Variants in APP observed in about 807,000 individuals in gnomAD.
The protein encoded by APP is amyloid beta precursor protein.
In APP, 31 loss-of-function variants were observed where a neutral mutation model predicts 101.4. The ratio of observed to expected loss-of-function variants is 0.31; its 90% CI spans 0.23 to 0.41. The LOEUF (loss-of-function observed/expected upper bound fraction) is 0.41. Among genes scored for constraint, APP ranks in the 10% least tolerant of loss-of-function variants. The probability of loss-of-function intolerance (pLI) is 1.00; values close to 1 mark genes in which losing one functional copy is unlikely to be tolerated. For synonymous variants in APP, 366 were observed against 364.4 expected (o/e 1.00, Z -0.05); for missense variants, 839 against 1,003.7 (o/e 0.84, Z 2.22).
At chr21:25,950,044 G>C (rs2040996510) in intron 13 of APP, among the ~76,000 whole-genome samples, 1 of 152,212 alleles carries the variant, frequency 6.6e-6, no homozygotes, top group African/African-American at 2.4e-5. Context: ...CCCACTTCCA[G>C]TGGGTGTGCA....
rs1409276828 is a variant in APP at position 26,170,554 on chromosome 21, C to T, written c.57+10G>A. 3 of 1,537,364 alleles carry T rather than the reference C, an allele frequency of 2.0e-6. No homozygotes were observed. The highest frequency in any genetic ancestry group is 2.6e-6 in the Non-Finnish European group (3 of 1,146,088). ...CAGCCTCCCCCCGCCTTCCGAGGCG[C>T]GGCACCCACCTCCAGCGCCCGAGCC... On this transcript the variant is annotated intron_variant, in intron 1 of 17. Transcript: ENST00000346798.
intron 13 of APP, among the ~76,000 whole-genome samples, chr21:25,938,831 C>T (rs770472750): frequency 3.3e-5 from 5 of 152,112 alleles, no homozygotes; most frequent in Admixed American, 1.3e-4. Flanking sequence ...ATGGAAAGCT[C>T]GAGCTAGGAC....
chr21:26,071,145 T>C (rs1029656698), intron 3 of APP, among the ~76,000 whole-genome samples: 1 of 152,216 alleles, frequency 6.6e-6, no homozygotes, highest in Non-Finnish European at 1.5e-5. Flanking sequence ...AAAATTCTCT[T>C]AAGCAATAAA....
intron 1 of APP, among the ~76,000 whole-genome samples, chr21:26,156,492 C>T (rs2063378649): frequency 6.6e-6 from 1 of 152,122 alleles, no homozygotes; most frequent in African/African-American, 2.4e-5. Flanking sequence ...CTTTTCAGTT[C>T]AATGATTTTA....
intron 13 of APP, among the ~76,000 whole-genome samples, chr21:25,946,962 A>T (rs1221720323): frequency 2.0e-5 from 3 of 152,186 alleles, no homozygotes; most frequent in Non-Finnish European, 4.4e-5. Context: ...ATATTTTTTT[A>T]AAAAAGGAAA....
At chr21:26,159,170 C>G (rs2063435710) in intron 1 of APP, among the ~76,000 whole-genome samples, 1 of 152,016 alleles carries the variant, frequency 6.6e-6, no homozygotes, top group Non-Finnish European at 1.5e-5. Context: ...AGCTCTGCCT[C>G]CCAGGTTCAC....
chr21:26,140,327 G>A, intron 1 of APP: 1 of 1,525,482 alleles, frequency 6.6e-7, no homozygotes, highest in South Asian at 1.2e-5. Context: ...TCCTCGGGAG[G>A]GTGAGTCAAC....
At chr21:26,154,739 G>C (rs1243840154) in intron 1 of APP, among the ~76,000 whole-genome samples, 4 of 152,202 alleles carry the variant, frequency 2.6e-5, no homozygotes, top group African/African-American at 9.7e-5. Flanking sequence ...GGGTGATTTT[G>C]AACAACTCAA....
intron 3 of APP, among the ~76,000 whole-genome samples, chr21:26,062,166 C>T (rs1340599035): frequency 6.6e-6 from 1 of 151,748 alleles, no homozygotes; most frequent in Non-Finnish European, 1.5e-5. Flanking sequence ...GCCAAGATCA[C>T]ACCACTGCAC....
intron 11 of APP, among the ~76,000 whole-genome samples, chr21:25,964,838 G>A (rs908858822): frequency 6.6e-6 from 1 of 152,144 alleles, no homozygotes; most frequent in Non-Finnish European, 1.5e-5. Flanking sequence ...GACCTCAGGT[G>A]ATCCACCCGC....
At chr21:26,045,242 T>C (rs1439665205) in intron 5 of APP, among the ~76,000 whole-genome samples, 1 of 152,180 alleles carries the variant, frequency 6.6e-6, no homozygotes, top group Non-Finnish European at 1.5e-5. Context: ...TTTAAATATC[T>C]TAAATTTTTA....
chr21:26,021,101 G>A (rs896796303), intron 6 of APP, among the ~76,000 whole-genome samples: 1 of 143,102 alleles, frequency 7.0e-6, no homozygotes, highest in African/African-American at 2.6e-5. Flanking sequence ...AGGCTGGAGT[G>A]CAATGGTGTG....
At chr21:26,052,199 C>T (rs2045864573) in intron 4 of APP, among the ~76,000 whole-genome samples, 1 of 152,182 alleles carries the variant, frequency 6.6e-6, no homozygotes, top group African/African-American at 2.4e-5. Flanking sequence ...TCAGATTTCT[C>T]AACCCCAGCA....
chr21:26,165,716 C>A (rs1389105867), intron 1 of APP, among the ~76,000 whole-genome samples: 1 of 152,174 alleles, frequency 6.6e-6, no homozygotes, highest in African/African-American at 2.4e-5. Context: ...AAGGTTCAAG[C>A]TAAATCTCTA....
rs750040087 is a variant in APP, at chr21:25,954,631, T to C, written c.1646A>G (p.Tyr549Cys). 5.0e-6 allele frequency: 8 copies of C among 1,614,070 alleles called. No homozygotes were observed. Among genetic ancestry groups the C allele is most frequent in the Admixed American group, 3.3e-5 (2 of 59,998 alleles). The change falls in exon 13 of 18, where the codon TAC becomes TGC. Residue 549 changes from tyrosine to cysteine, a missense_variant. By Grantham distance (194) the Tyr-to-Cys change is radical. Transcript: ENST00000346798. ...CTCCTCGGCCACTGCAGGCACGTTGTAGAGCAGGGAGAGAGACTGATTCAT... is the reference window on the plus strand; with the variant it reads ...CTCCTCGGCCACTGCAGGCACGTTGCAGAGCAGGGAGAGAGACTGATTCAT... The part of the protein sequence containing the change: ...ERMNQSLSLL[Y>C]NVPAVAEEIQ...
intron 3 of APP, among the ~76,000 whole-genome samples, chr21:26,061,536 T>C (rs2145996398): frequency 6.6e-6 from 1 of 152,308 alleles, no homozygotes; most frequent in African/African-American, 2.4e-5. Flanking sequence ...GACGGGACGA[T>C]TACTTCACAG....
intron 2 of APP, among the ~76,000 whole-genome samples, chr21:26,094,165 T>C (rs956175484): frequency 2.6e-5 from 4 of 152,130 alleles, no homozygotes; most frequent in Non-Finnish European, 5.9e-5. Flanking sequence ...GCATAGTTTT[T>C]TCCTACTGTC....
At chr21:25,892,094 A>G (rs909786462) in intron 16 of APP, among the ~76,000 whole-genome samples, 2 of 151,762 alleles carry the variant, frequency 1.3e-5, no homozygotes, top group South Asian at 4.2e-4. Flanking sequence ...ACTAAGAATG[A>G]TAATCATAGT....
intron 2 of APP, among the ~76,000 whole-genome samples, chr21:26,096,259 T>C (rs2061940284): frequency 6.6e-6 from 1 of 152,212 alleles, no homozygotes; most frequent in African/African-American, 2.4e-5. Flanking sequence ...TAAGTTTGTA[T>C]CTGTACTGCC....
Sources: gnomAD v4.1 joint callset for allele counts (sites outside exome capture counted in the v4.1 genomes callset) on GRCh38, gnomAD v4.1.1 for gene constraint, MANE v1.5 for transcripts, NCBI Gene and HGNC (gene_info 2026-07-23, HGNC 2026-07-21) for gene names.